Variants in RBL1 observed in about 807,000 individuals in gnomAD.
The protein encoded by RBL1 is RB transcriptional corepressor like 1.
A neutral mutation model predicts 123.0 loss-of-function variants in RBL1; 82 were observed. The observed-to-expected ratio is 0.67, with a 90% CI of 0.56 to 0.80. The LOEUF (loss-of-function observed/expected upper bound fraction) is 0.80. RBL1 is among the 30% of genes least tolerant of loss of function. RBL1 has a pLI of 0.00. For synonymous variants in RBL1, 405 were observed against 441.3 expected (o/e 0.92, Z 1.03); for missense variants, 1,171 against 1,299.6 (o/e 0.90, Z 1.52).
intron 19 of RBL1, among the ~76,000 whole-genome samples, chr20:37,011,710 C>T (rs2064150917): frequency 6.6e-6 from 1 of 152,162 alleles, no homozygotes; most frequent in African/African-American, 2.4e-5. Flanking sequence ...GCTGGGATTA[C>T]AGGTGTGAGC....
intron 10 of RBL1, 144 bp downstream of exon 10, chr20:37,056,002 A>G: frequency 7.5e-7 from 1 of 1,336,964 alleles, no homozygotes; most frequent in Non-Finnish European, 9.9e-7. Context: ...AGTCGAGATC[A>G]TGCCATTGCA....
intron 6 of RBL1, among the ~76,000 whole-genome samples, chr20:37,065,948 A>G (rs2065170999): frequency 6.6e-6 from 1 of 152,202 alleles, no homozygotes; most frequent in Non-Finnish European, 1.5e-5. Flanking sequence ...ACTTTGCTAG[A>G]GATGTTTAGC....
In RBL1 at chr20:37,054,377, C is replaced by T. The variant is rs990600623; in HGVS notation, c.1467+1176G>A. Among the ~76,000 whole-genome samples, 8 of 151,874 alleles carry T rather than the reference C, an allele frequency of 5.3e-5. No individual in the cohort carries two copies. In the East Asian group the frequency reaches 1.5e-3, roughly 29 times the overall value. On this transcript the variant is annotated intron_variant, in intron 11 of 21. Coordinates refer to ENST00000373664, the MANE Select transcript of RBL1 (RefSeq NM_002895.5). Reference sequence around the variant, plus strand: ...GCAGGCGCCTGTAATCCCAGCTAGTCGGGAGGCTGAGGCAGAGAACTGCTT... The same window carrying T: ...GCAGGCGCCTGTAATCCCAGCTAGTTGGGAGGCTGAGGCAGAGAACTGCTT...
intron 2 of RBL1, among the ~76,000 whole-genome samples, chr20:37,082,243 C>T (rs1335395456): frequency 2.6e-5 from 4 of 152,212 alleles, no homozygotes; most frequent in African/African-American, 7.2e-5. Context: ...GTCAGCCCTG[C>T]ACCTCAGTGG....
At chr20:37,022,535 C>T (rs1356382026) in intron 17 of RBL1, 115 bp downstream of exon 17, 2 of 957,872 alleles carry the variant, frequency 2.1e-6, no homozygotes, top group Non-Finnish European at 3.0e-6. Flanking sequence ...CCATGTTGCC[C>T]AAGCTGGTCT....
intron 20 of RBL1, among the ~76,000 whole-genome samples, chr20:37,006,925 G>A (rs959196958): frequency 2.0e-5 from 3 of 151,498 alleles, no homozygotes; most frequent in African/African-American, 4.9e-5. Context: ...ATATGTATAC[G>A]GAATTTCTAG....
At chr20:37,044,388 A>C in intron 12 of RBL1, 138 bp from the exon 13 acceptor site, 1 of 789,898 alleles carries the variant, frequency 1.3e-6, no homozygotes, top group African/African-American at 1.8e-5. Context: ...CCCAGGCTGG[A>C]GTACAGTGGT....
chr20:37,086,547 T>TAAAAAAAAAAAAAA (rs1409594390), intron 2 of RBL1, among the ~76,000 whole-genome samples: 1 of 151,852 alleles, frequency 6.6e-6, no homozygotes. Context: ...TCTCAAAAAA[T>TAAAAAAAAAAAAAA]AAAAATAAAA....
intron 20 of RBL1, among the ~76,000 whole-genome samples, 177 bp downstream of exon 20, chr20:37,007,234 T>A (rs1024784667): frequency 6.6e-6 from 1 of 151,988 alleles, no homozygotes; most frequent in Non-Finnish European, 1.5e-5. Flanking sequence ...GGGCAACAGA[T>A]CCCATGATTT....
intron 2 of RBL1, among the ~76,000 whole-genome samples, chr20:37,077,327 T>C (rs530465823): frequency 6.6e-6 from 1 of 152,356 alleles, no homozygotes; most frequent in Non-Finnish European, 1.5e-5. Flanking sequence ...GCCCAGATAT[T>C]TTCTCAAATA....
intron 15 of RBL1, among the ~76,000 whole-genome samples, chr20:37,034,608 T>A (rs1182207515): frequency 6.6e-6 from 1 of 152,016 alleles, no homozygotes; most frequent in Non-Finnish European, 1.5e-5. Context: ...CACTTGAGCC[T>A]GGGAGCAGAG....
intron 20 of RBL1, among the ~76,000 whole-genome samples, chr20:37,005,575 G>A (rs1038412264): frequency 6.6e-6 from 1 of 152,166 alleles, no homozygotes; most frequent in African/African-American, 2.4e-5. Context: ...GAAAAAATCT[G>A]TTAATGAAAT....
At chr20:37,081,940 T>C in intron 2 of RBL1, 1 of 454,904 alleles carries the variant, frequency 2.2e-6, no homozygotes, top group Non-Finnish European at 4.4e-6. Context: ...AAGGCTCCAA[T>C]TATAATATCA....
At chr20:37,056,576 A>G (rs930668390) in intron 9 of RBL1, among the ~76,000 whole-genome samples, 6 of 151,902 alleles carry the variant, frequency 3.9e-5, no homozygotes, top group Admixed American at 1.3e-4. Flanking sequence ...GCTGGTCTAG[A>G]TCTCCTAACC....
intron 13 of RBL1, among the ~76,000 whole-genome samples, chr20:37,041,824 A>G (rs1160130048): frequency 1.3e-5 from 2 of 152,120 alleles, no homozygotes; most frequent in Non-Finnish European, 2.9e-5. Context: ...AAGTGAAAAG[A>G]CAGGCCAGGT....
chr20:37,094,156 T>C (rs2065691968), intron 1 of RBL1, among the ~76,000 whole-genome samples: 1 of 152,110 alleles, frequency 6.6e-6, no homozygotes, highest in Non-Finnish European at 1.5e-5. Context: ...CTGAAACAGG[T>C]GCATGCCTTG....
intron 1 of RBL1, among the ~76,000 whole-genome samples, chr20:37,095,220 C>T (rs749032862): frequency 2.0e-5 from 3 of 152,170 alleles, no homozygotes; most frequent in Non-Finnish European, 4.4e-5. Context: ...AACTGCTGCA[C>T]AGCGACCGGC....
intron 14 of RBL1, among the ~76,000 whole-genome samples, chr20:37,036,801 A>T (rs2064620225): frequency 6.6e-6 from 1 of 151,590 alleles, no homozygotes. Context: ...AATTTTTTGT[A>T]TTTTTAGTAG....
intron 2 of RBL1, among the ~76,000 whole-genome samples, chr20:37,077,071 G>C (rs1479472152): frequency 6.6e-6 from 1 of 151,920 alleles, no homozygotes; most frequent in African/African-American, 2.4e-5. Context: ...CGAATAGCTG[G>C]GACTACAGGC....
Sources: gnomAD v4.1 joint callset for allele counts (sites outside exome capture counted in the v4.1 genomes callset) on GRCh38, gnomAD v4.1.1 for gene constraint, MANE v1.5 for transcripts, NCBI Gene and HGNC (gene_info 2026-07-23, HGNC 2026-07-21) for gene names.